Variants in LRRC9 observed in about 807,000 individuals in gnomAD.
LRRC9 encodes the protein leucine-rich repeat-containing protein 9.
Under a neutral mutation model 63.2 loss-of-function variants are expected in LRRC9, and 122 were observed. That is an observed-to-expected ratio of 1.93 (90% CI 1.67 to 2.24). LRRC9 has a LOEUF of 2.24. Among genes scored for constraint, LRRC9 ranks in the 30% most tolerant of loss-of-function variants. The pLI is 0.00. For missense variants in LRRC9, 1,071 were observed against 627.7 expected, an observed-to-expected ratio of 1.71 and a Z score of -7.55; for synonymous variants, 366 against 213.1, an observed-to-expected ratio of 1.72 and a Z score of -6.25.
At chr14:60,064,292 TA>T (rs1445841368), downstream of LRRC9, among the ~76,000 whole-genome samples, 1 of 152,236 alleles carries the variant, frequency 6.6e-6, no homozygotes, top group Non-Finnish European at 1.5e-5. Context: ...TTGCCAATCA[TA>T]TTTTGATATA....
chr14:59,997,921 T>G, intron 18 of LRRC9, 74 bp downstream of exon 18: 1 of 591,742 alleles, frequency 1.7e-6, no homozygotes, highest in Admixed American at 2.9e-5. Context: ...CTTTACTATT[T>G]AGTAATAGCC....
At chr14:60,007,994 T>G in intron 22 of LRRC9, 98 bp from the exon 23 acceptor site, 2 of 468,936 alleles carry the variant, frequency 4.3e-6, no homozygotes, top group Non-Finnish European at 7.5e-6. Context: ...TCCCATGGAA[T>G]GATAGATAAT....
chr14:60,037,251 C>G (rs941609902), intron 29 of LRRC9, among the ~76,000 whole-genome samples: 7 of 152,122 alleles, frequency 4.6e-5, no homozygotes, highest in African/African-American at 9.7e-5. Flanking sequence ...TTTATAACAG[C>G]TTGGTTTATA....
intron 29 of LRRC9, among the ~76,000 whole-genome samples, chr14:60,040,146 C>T (rs532082858): frequency 6.6e-6 from 1 of 151,890 alleles, no homozygotes; most frequent in South Asian, 2.1e-4. Context: ...AATTTCTGTT[C>T]TTTTATATTT....
At chr14:60,018,306 T>A in intron 24 of LRRC9, 65 bp from the exon 25 acceptor site, 1 of 692,712 alleles carries the variant, frequency 1.4e-6, no homozygotes, top group Non-Finnish European at 2.6e-6. Flanking sequence ...GTGAAGGAAC[T>A]CACCTTTTCC....
chr14:59,954,663 C>T (rs561017669), intron 8 of LRRC9, among the ~76,000 whole-genome samples: 2 of 152,066 alleles, frequency 1.3e-5, no homozygotes, highest in Non-Finnish European at 2.9e-5. Context: ...TTTTCTCTTG[C>T]CTGATTTCCC....
intron 31 of LRRC9, among the ~76,000 whole-genome samples, chr14:60,061,194 A>G (rs116852409): frequency 0.022 from 3,354 of 152,310 alleles, 60 homozygotes; most frequent in South Asian, 0.05. Flanking sequence ...CAATTTTGAA[A>G]GAACTACTGT....
In LRRC9 at chr14:59,938,152, T is replaced by TG. The variant is rs1441353278; in HGVS notation, c.544-237dup. Among the ~76,000 whole-genome samples the TG allele has an allele frequency of 1.3e-5, 2 of 152,192 alleles. No homozygotes were observed. Among genetic ancestry groups the TG allele is most frequent in the Non-Finnish European group, 2.9e-5 (2 of 68,020 alleles). ...GCTTCAAGGTTCCAGCTGGAATACA[T>TG]GATTTAGTAAATATTTAAAAGGCAT... is the stretch of plus-strand genomic sequence containing the variant. On this transcript the variant is annotated intron_variant, in intron 6 of 31. Coordinates refer to ENST00000445360, the Ensembl canonical transcript of LRRC9. This position sits in a 1 kb window ranked among gnomAD's most constrained non-coding sequence, Gnocchi z 4.2.
In LRRC9 at chr14:59,986,491, T is replaced by G. The variant is rs982343432; in HGVS notation, c.2211+1267T>G. Reference sequence around the variant, plus strand: ...TTTTTCTTTTGGTAGGCCCAAGCCCTTTTAAGTAAGTAGAATCCCTGAGAG... The same window carrying G: ...TTTTTCTTTTGGTAGGCCCAAGCCCGTTTAAGTAAGTAGAATCCCTGAGAG... On this transcript the variant is annotated intron_variant, in intron 17 of 31. Transcript: ENST00000445360. This position sits in a 1 kb window ranked among gnomAD's most constrained non-coding sequence, Gnocchi z 4.7. Among the ~76,000 whole-genome samples, 11 of 152,324 alleles carry G rather than the reference T, an allele frequency of 7.2e-5. No individual in the cohort carries two copies. The highest frequency in any genetic ancestry group is 2.6e-4 in the African/African-American group (11 of 41,578).
At chr14:60,047,196 A>C (rs1243147408) in intron 29 of LRRC9, among the ~76,000 whole-genome samples, 1 of 152,152 alleles carries the variant, frequency 6.6e-6, no homozygotes, top group Non-Finnish European at 1.5e-5. Context: ...GGATCATGTC[A>C]TCTGCAAACA....
intron 7 of LRRC9, among the ~76,000 whole-genome samples, chr14:59,943,113 A>T (rs1881968483): frequency 6.6e-6 from 1 of 151,996 alleles, no homozygotes; most frequent in African/African-American, 2.4e-5. Context: ...TCCCTTCCAT[A>T]GGTTGTCTCT....
chr14:59,979,317 T>C (rs1157741372), intron 15 of LRRC9, among the ~76,000 whole-genome samples: 1 of 152,166 alleles, frequency 6.6e-6, no homozygotes, highest in East Asian at 1.9e-4. Context: ...GCCTTTTAAT[T>C]TTAATTGTAA....
intron 21 of LRRC9, among the ~76,000 whole-genome samples, chr14:60,006,110 T>A (rs183762527): frequency 1.5e-4 from 23 of 152,250 alleles, no homozygotes; most frequent in Admixed American, 1.5e-3. Flanking sequence ...TTTAAGGTTA[T>A]TTGAAAGAGA....
intron 30 of LRRC9, among the ~76,000 whole-genome samples, chr14:60,055,744 A>AAC (rs1555389496): frequency 2.0e-5 from 3 of 148,760 alleles, no homozygotes; most frequent in Non-Finnish European, 4.5e-5. Flanking sequence ...AAAAAAAAAA[A>AAC]AACAAAAAAA....
intron 8 of LRRC9, among the ~76,000 whole-genome samples, chr14:59,957,808 G>A (rs2139951292): frequency 6.6e-6 from 1 of 152,266 alleles, no homozygotes; most frequent in Middle Eastern, 3.4e-3. Context: ...CTTTGGATGG[G>A]GTTTTGTGTG....
At chr14:60,028,954 C>A (rs978020893) in intron 28 of LRRC9, among the ~76,000 whole-genome samples, 2 of 151,920 alleles carry the variant, frequency 1.3e-5, no homozygotes, top group Non-Finnish European at 2.9e-5. Flanking sequence ...TTTTTTAAAG[C>A]CCTGGACAAG....
chr14:60,051,174 G>A lies in LRRC9; in HGVS notation c.3991-1891G>A, dbSNP rs1369942407. ...CTGGACTCTCCAGAGCCAGCAGGCTGGAAAAGCTGAGTCAACCAAACAACA... is the reference window on the plus strand; with the variant it reads ...CTGGACTCTCCAGAGCCAGCAGGCTAGAAAAGCTGAGTCAACCAAACAACA... On this transcript the variant is annotated intron_variant, in intron 29 of 31. Transcript: ENST00000445360. This position sits in a 1 kb window ranked among gnomAD's most constrained non-coding sequence, Gnocchi z 4.7. Among the ~76,000 whole-genome samples, 1 of 152,194 alleles carries A rather than the reference G, an allele frequency of 6.6e-6. No individual in the cohort carries two copies. The highest frequency in any genetic ancestry group is 2.4e-5 in the African/African-American group (1 of 41,444).
chr14:60,040,740 G>A (rs1449763245), intron 29 of LRRC9, among the ~76,000 whole-genome samples: 1 of 151,852 alleles, frequency 6.6e-6, no homozygotes, highest in South Asian at 2.1e-4. Flanking sequence ...CTTTTAATTG[G>A]AGCATTTAGC....
intron 16 of LRRC9, among the ~76,000 whole-genome samples, chr14:59,983,450 G>A (rs368799836): frequency 1.3e-5 from 2 of 152,294 alleles, no homozygotes; most frequent in African/African-American, 4.8e-5. Flanking sequence ...TCAATTTAGT[G>A]GAGCAAATAT....
Sources: gnomAD v4.1 joint callset for allele counts (sites outside exome capture counted in the v4.1 genomes callset) on GRCh38, gnomAD v4.1.1 for gene constraint, Gnocchi (gnomAD v3.1) non-coding constraint, MANE v1.5 for transcripts, NCBI Gene and HGNC (gene_info 2026-07-23, HGNC 2026-07-21) for gene names.